ZC3H4: variants seen among roughly 807,000 people sequenced by gnomAD.
The protein encoded by ZC3H4 is zinc finger CCCH domain-containing protein 4.
In ZC3H4, 13 loss-of-function variants were observed where a neutral mutation model predicts 108.3. The observed-to-expected ratio is 0.12, with a 90% CI of 0.08 to 0.19. ZC3H4 has a LOEUF of 0.19. ZC3H4 is among the 10% of genes least tolerant of loss of function. The pLI is 1.00. For missense variants in ZC3H4, 1,734 were observed against 1,838.8 expected (o/e 0.94, Z 1.04); for synonymous variants, 917 against 749.6 (o/e 1.22, Z -3.65).
chr19:47,069,310 T>G lies in ZC3H4; in HGVS notation c.2180A>C (p.Glu727Ala), dbSNP rs1208960068. 14 of 1,613,512 alleles carry G rather than the reference T, an allele frequency of 8.7e-6. No homozygotes were observed. Among genetic ancestry groups the G allele is most frequent in the Admixed American group, 3.3e-5 (2 of 59,948 alleles). The change falls in exon 14 of 15, where the codon GAG becomes GCG. Residue 727 changes from glutamate (E) to alanine (A), a missense_variant. Glu to Ala is a moderately radical substitution (Grantham distance 107). This residue lies in a region of ZC3H4 where 540 missense variants were observed against 484.1 expected (regional missense o/e 1.12). Transcript: ENST00000253048. ...CTCAGGGAAGAGGTGCTCCCCAGGC[T>G]CCCCTGGCAGCTCTTCGTAGTGCCC... The part of the protein sequence containing the change: ...DYGHYEELPG[E>A]PGEHLFPEHP...
chr19:47,066,339 GC>G lies in ZC3H4; in HGVS notation c.*16del, dbSNP rs1653765684. On this transcript the variant is annotated 3_prime_UTR_variant, in exon 15 of 15. Coordinates refer to ENST00000253048, the MANE Select transcript of ZC3H4 (RefSeq NM_015168.2). ...CACCCTAGGAAGGGTGGCTGGAGCCGCAGCTCTGGCTGGACACTACTGGCAA... is the reference window on the plus strand; with the variant it reads ...CACCCTAGGAAGGGTGGCTGGAGCCGAGCTCTGGCTGGACACTACTGGCAA... The G allele has an allele frequency of 6.7e-7, 1 of 1,494,546 alleles. No homozygotes were observed. Among genetic ancestry groups the G allele is most frequent in the African/African-American group, 1.4e-5 (1 of 71,986 alleles). The allele number at this position is 1,494,546 out of a possible 1,614,324, so 92.6% of individuals were successfully genotyped here.
chr19:47,079,332 C>T (rs988288377), intron 11 of ZC3H4, among the ~76,000 whole-genome samples: 5 of 149,846 alleles, frequency 3.3e-5, no homozygotes, highest in South Asian at 2.1e-4. Flanking sequence ...CCTGGCCAGA[C>T]GCCACTTCAA....
rs975561145 is a variant in ZC3H4, at chr19:47,064,510, G to A, written c.*1846C>T. On this transcript the variant is annotated 3_prime_UTR_variant, in exon 15 of 15. Coordinates refer to ENST00000253048, the MANE Select transcript of ZC3H4 (RefSeq NM_015168.2). ...TCTTAGGCTGAATATTCCAAGAGGA[G>A]GGCTCCAGCTTCTATTTCATCCACA... 3.3e-5 allele frequency: 5 copies of A among 152,312 alleles called. No individual in the cohort carries two copies. The highest frequency in any genetic ancestry group is 4.8e-5 in the African/African-American group (2 of 41,368). 9.4% of individuals were successfully genotyped at this position (152,312 alleles called of 1,614,324 possible).
intron 5 of ZC3H4, among the ~76,000 whole-genome samples, chr19:47,088,546 CA>C (rs200397969): frequency 7.1e-6 from 1 of 141,338 alleles, no homozygotes; most frequent in African/African-American, 2.6e-5. Context: ...AACTCTGTCT[CA>C]AAAAAAAAAG....
chr19:47,072,798 A>T lies in ZC3H4; in HGVS notation c.1441-85T>A. 1 of 1,507,712 alleles carries T rather than the reference A, an allele frequency of 6.6e-7. No homozygotes were observed. The highest frequency in any genetic ancestry group is 1.2e-5 in the South Asian group (1 of 83,802). 93.4% of individuals were successfully genotyped at this position (1,507,712 alleles called of 1,614,324 possible). ...CCAGGTCTGAGAGCTGAAGTTTATG[A>T]GGAAAAGTCCATAATACAAGGACCT... On this transcript the variant is annotated intron_variant, in intron 11 of 14. Coordinates refer to ENST00000253048, the MANE Select transcript of ZC3H4 (RefSeq NM_015168.2). The surrounding 1 kb of genome is among the most constrained non-coding windows in gnomAD (Gnocchi z 5.6).
In ZC3H4 at chr19:47,066,957, G is replaced by A. The variant is rs566977225; in HGVS notation, c.3311C>T (p.Ser1104Phe). ...AAKPGPAEAP[S>F]PTASPSGDAS... ...ATCCCCACTCGGGCTGGCGGTGGGAGAGGGCGCCTCAGCAGGGCCGGGCTT... is the reference window on the plus strand; with the variant it reads ...ATCCCCACTCGGGCTGGCGGTGGGAAAGGGCGCCTCAGCAGGGCCGGGCTT... The change falls in exon 15 of 15, where the codon TCT becomes TTT. Residue 1104 changes from serine to phenylalanine, a missense_variant. By Grantham distance (155) the Ser-to-Phe change is radical (BLOSUM62 -2). Coordinates refer to ENST00000253048, the MANE Select transcript of ZC3H4 (RefSeq NM_015168.2). 72 of 1,594,110 alleles carry A rather than the reference G, an allele frequency of 4.5e-5. No individual in the cohort carries two copies. In the African/African-American group the frequency reaches 8.8e-4, roughly 20 times the overall value.
rs1400291606 is a variant in ZC3H4 at position 47,085,119 on chromosome 19, G to A, written c.1044C>T (p.Ser348=). 2.5e-6 allele frequency: 4 copies of A among 1,614,046 alleles called. No homozygotes were observed. The highest frequency in any genetic ancestry group is 2.2e-5 in the East Asian group (1 of 44,900). The change falls in exon 8 of 15, where the codon AGC becomes AGT. Residue 348 remains serine (S), a synonymous_variant. Transcript: ENST00000253048. The stretch of plus-strand genomic sequence containing the variant: ...TTCCGCCCTTGTTCATCCCTCCTCG[G>A]CTGCCACCTCGGCCTCGGCCCCGAC... ...GMGRGRGRGG[S]RGGMNKGGMN...
At position 47,065,632 on chromosome 19, in the gene ZC3H4, G is replaced by C. The variant is rs1460763159; in HGVS notation, c.*724C>G. ...CCCACACCGGCCCCCACTACCTTTG[G>C]GTCCAGTTCTCACTGTGGAGGCTTC... On this transcript the variant is annotated 3_prime_UTR_variant, in exon 15 of 15. Coordinates refer to ENST00000253048, the MANE Select transcript of ZC3H4 (RefSeq NM_015168.2). The C allele has an allele frequency of 1.3e-5, 2 of 152,870 alleles. No individual in the cohort carries two copies. Among genetic ancestry groups the C allele is most frequent in the Non-Finnish European group, 2.9e-5 (2 of 68,280 alleles). The allele number at this position is 152,870 out of a possible 1,614,324, so 9.5% of individuals were successfully genotyped here.
intron 9 of ZC3H4, among the ~76,000 whole-genome samples, 153 bp from the exon 10 acceptor site, chr19:47,082,448 G>A (rs943669378): frequency 6.6e-5 from 10 of 152,144 alleles, no homozygotes; most frequent in Non-Finnish European, 1.5e-4. Context: ...GGTGTAGGAA[G>A]GGCAGGTCCC....
At chr19:47,069,835 G>A (rs1306564244) in intron 13 of ZC3H4, among the ~76,000 whole-genome samples, 3 of 152,290 alleles carry the variant, frequency 2.0e-5, no homozygotes, top group South Asian at 2.1e-4. Context: ...AGAATGAAAC[G>A]GGTCAAGTGC....
chr19:47,083,525 C>T (rs1238347015), intron 9 of ZC3H4, among the ~76,000 whole-genome samples: 1 of 151,898 alleles, frequency 6.6e-6, no homozygotes, highest in Non-Finnish European at 1.5e-5. Flanking sequence ...GCCAACATGG[C>T]GAAACCCTGT....
intron 11 of ZC3H4, among the ~76,000 whole-genome samples, chr19:47,075,509 C>T (rs1386316579): frequency 6.6e-6 from 1 of 152,120 alleles, no homozygotes; most frequent in East Asian, 1.9e-4. Flanking sequence ...AGTGTCACCT[C>T]CTCACAAAGC....
At chr19:47,084,294 C>T (rs751208509) in intron 9 of ZC3H4, 51 bp downstream of exon 9, 5 of 1,570,574 alleles carry the variant, frequency 3.2e-6, no homozygotes, top group Non-Finnish European at 4.4e-6. Flanking sequence ...AGCCATGTGT[C>T]CTCTGGGGGC....
chr19:47,075,012 C>T (rs2057394871), intron 11 of ZC3H4, among the ~76,000 whole-genome samples: 3 of 152,332 alleles, frequency 2.0e-5, no homozygotes, highest in East Asian at 3.9e-4. Flanking sequence ...TAAACTAGTC[C>T]TGCCCCTCTG....
Position 47,072,724 on chromosome 19 carries a change from G to A in ZC3H4, c.1441-11C>T. On this transcript the variant is annotated splice_polypyrimidine_tract_variant and intron_variant, in intron 11 of 14. Transcript: ENST00000253048. This position sits in a 1 kb window ranked among gnomAD's most constrained non-coding sequence, Gnocchi z 5.6. ...ATCATCGGCCAACATCTGCGGGTGTGAAAGAACAAAAGAAGGTGTGGACGG... is the reference window on the plus strand; with the variant it reads ...ATCATCGGCCAACATCTGCGGGTGTAAAAGAACAAAAGAAGGTGTGGACGG... 2 of 1,613,126 alleles carry A rather than the reference G, an allele frequency of 1.2e-6. No homozygotes were observed. Among genetic ancestry groups the A allele is most frequent in the Admixed American group, 3.3e-5 (2 of 59,978 alleles).
chr19:47,093,862 A>C (rs1411333571), intron 4 of ZC3H4, 108 bp downstream of exon 4: 2 of 888,656 alleles, frequency 2.3e-6, no homozygotes, highest in Non-Finnish European at 3.5e-6. Context: ...CTGATGGCCC[A>C]GGACTGAAAC....
intron 6 of ZC3H4, among the ~76,000 whole-genome samples, chr19:47,085,938 A>G (rs1216888616): frequency 6.6e-6 from 1 of 151,996 alleles, no homozygotes; most frequent in Non-Finnish European, 1.5e-5. Flanking sequence ...ATCTCGGCTC[A>G]CTGCAACCTC....
chr19:47,109,223 G>A (rs568506000), intron 2 of ZC3H4, among the ~76,000 whole-genome samples: 3 of 152,054 alleles, frequency 2.0e-5, no homozygotes, highest in Non-Finnish European at 4.4e-5. Context: ...CTTAATTACT[G>A]GGGCTTCTAG....
Position 47,095,713 on chromosome 19 carries a change from CCCACA to C in ZC3H4, c.162-1110_162-1106del, listed in dbSNP as rs2057809433. Among the ~76,000 whole-genome samples, 7 of 152,218 alleles carry C rather than the reference CCCACA, an allele frequency of 4.6e-5. No homozygotes were observed. In the South Asian group the frequency reaches 1.4e-3, roughly 32 times the overall value. On this transcript the variant is annotated intron_variant, in intron 2 of 14. Coordinates refer to ENST00000253048, the MANE Select transcript of ZC3H4 (RefSeq NM_015168.2). ...AAAAGAATCCAGTTTTTGAGCCAAA[CCCACA>C]GACACAGTGTTCACAAGTACAGGAG...
Sources: allele counts gnomAD v4.1 joint callset (sites outside exome capture counted in the v4.1 genomes callset), GRCh38; gene constraint gnomAD v4.1.1; regional missense constraint gnomAD v4.1.1; non-coding constraint Gnocchi (gnomAD v3.1); transcripts MANE v1.5; gene names NCBI Gene and HGNC (gene_info 2026-07-23, HGNC 2026-07-21).